ZNF41: variants seen among roughly 807,000 people sequenced by gnomAD.
ZNF41 encodes zinc finger protein 41.
Under a neutral mutation model 9.3 loss-of-function variants are expected in ZNF41, and 6 were observed. The observed-to-expected ratio is 0.65, with a 90% CI of 0.35 to 1.28. The LOEUF is 1.28. Ranked by LOEUF, ZNF41 falls within the 50% of genes most tolerant of loss-of-function variation. ZNF41 has a pLI of 0.03. For synonymous variants in ZNF41, 192 were observed against 207.1 expected (o/e 0.93, Z 0.63); for missense variants, 523 against 585.8 (o/e 0.89, Z 1.11).
chrX:47,482,208 A>G (rs1447959300), intron 1 of ZNF41, among the ~76,000 whole-genome samples: 1 of 109,335 alleles, frequency 9.1e-6, no homozygotes, highest in Admixed American at 9.8e-5. Flanking sequence ...GGTGTCCCCA[A>G]CACTCATCCC....
intron 1 of ZNF41, among the ~76,000 whole-genome samples, chrX:47,479,576 T>G (rs2057418762): frequency 9.0e-6 from 1 of 111,094 alleles, no homozygotes; most frequent in African/African-American, 3.3e-5. Context: ...TACATTCATA[T>G]GATAATTTGG....
Position 47,448,324 on chromosome X carries a change from G to A in ZNF41, c.1446C>T (p.Leu482=), listed in dbSNP as rs762030062. 4.1e-6 allele frequency: 5 copies of A among 1,209,355 alleles called. No homozygotes were observed. In the Admixed American group the frequency reaches 8.8e-5, roughly 21 times the overall value. The change falls in exon 5 of 5, where the codon CTC becomes CTT. Residue 482 remains leucine (L), a synonymous_variant. Coordinates refer to ENST00000684689, the MANE Select transcript of ZNF41 (RefSeq NM_001324144.2). ...CGKSFTKKSQ[L]HVHQRIHTGE... is the part of the protein sequence containing the mutation. ...CGGTGTGAATTCTTTGATGCACATGGAGTTGTGACTTCTTAGTGAAGGATT... is the reference window on the plus strand; with the variant it reads ...CGGTGTGAATTCTTTGATGCACATGAAGTTGTGACTTCTTAGTGAAGGATT...
chrX:47,476,128 G>A (rs923405764), intron 1 of ZNF41, among the ~76,000 whole-genome samples: 10 of 111,213 alleles, frequency 9.0e-5, no homozygotes, highest in African/African-American at 2.0e-4. Flanking sequence ...CGAGGCAGGC[G>A]GATCACTTGA....
intron 2 of ZNF41, among the ~76,000 whole-genome samples, chrX:47,459,046 T>C (rs2056679049): frequency 9.0e-6 from 1 of 110,676 alleles, no homozygotes; most frequent in African/African-American, 3.3e-5. Context: ...AAATAATCCA[T>C]TGCAACAGAA....
At chrX:47,457,861 A>G (rs1002536591) in intron 2 of ZNF41, among the ~76,000 whole-genome samples, 4 of 110,571 alleles carry the variant, frequency 3.6e-5, no homozygotes, top group African/African-American at 1.3e-4. Context: ...AAACAAACAA[A>G]AAGAAGGTGT....
chrX:47,458,112 A>C (rs2056639981), intron 2 of ZNF41, among the ~76,000 whole-genome samples: 1 of 111,352 alleles, frequency 9.0e-6, no homozygotes, highest in Non-Finnish European at 1.9e-5. Context: ...TTATAGAGGT[A>C]AGATTTGGGA....
At position 47,447,014 on chromosome X, in the gene ZNF41, T is replaced by A. The variant is rs140632042; in HGVS notation, c.*416A>T. 0.018 allele frequency: 2,301 copies of A among 131,318 alleles called. 34 individuals carry two copies. The highest frequency in any genetic ancestry group is 0.025 in the Non-Finnish European group (1,630 of 65,635). 10.8% of individuals were successfully genotyped at this position (131,318 alleles called of 1,213,427 possible). A position where few individuals can be genotyped will look rare whatever the true frequency, so the allele number is the denominator to read the frequency against. On this transcript the variant is annotated 3_prime_UTR_variant, in exon 5 of 5. Transcript: ENST00000684689. ...AGAAATTTGAAAAAGTTTTTCCCAG[T>A]AGTGAGTATTTTTATGTCCCAGGAT... is the stretch of plus-strand genomic sequence containing the variant.
intron 1 of ZNF41, among the ~76,000 whole-genome samples, chrX:47,469,440 G>C (rs1280154450): frequency 9.1e-6 from 1 of 110,027 alleles, no homozygotes. Context: ...AATGGTAAAT[G>C]GAATAGAAAC....
chrX:47,465,488 T>C (rs780327068), intron 2 of ZNF41, among the ~76,000 whole-genome samples: 1 of 112,578 alleles, frequency 8.9e-6, no homozygotes, highest in Admixed American at 9.5e-5. Context: ...ATTTAAATAT[T>C]CTACAATGTA....
At chrX:47,463,190 G>C (rs1477748699) in intron 2 of ZNF41, among the ~76,000 whole-genome samples, 1 of 110,640 alleles carries the variant, frequency 9.0e-6, no homozygotes, top group Non-Finnish European at 1.9e-5. Context: ...ACCACACTTT[G>C]AGTAGTACCT....
chrX:47,467,335 C>T, intron 2 of ZNF41, 75 bp downstream of exon 2: 1 of 1,167,589 alleles, frequency 8.6e-7, no homozygotes, highest in Non-Finnish European at 1.1e-6. Context: ...TGCTTCTGCC[C>T]TTAGGCCCTG....
At chrX:47,454,732 C>A (rs1232100035) in intron 4 of ZNF41, among the ~76,000 whole-genome samples, 1 of 109,425 alleles carries the variant, frequency 9.1e-6, no homozygotes, top group Non-Finnish European at 1.9e-5. Context: ...CAAAGCCAGA[C>A]AAACACACTA....
At chrX:47,467,786 AC>A (rs2057040837) in intron 1 of ZNF41, 26 bp from the exon 2 acceptor site, 2 of 341,230 alleles carry the variant, frequency 5.9e-6, no homozygotes, top group South Asian at 5.3e-5. Flanking sequence ...GTTCGGTAAA[AC>A]CCACACCAAG....
At chrX:47,460,787 C>G (rs907671888) in intron 2 of ZNF41, among the ~76,000 whole-genome samples, 3 of 111,783 alleles carry the variant, frequency 2.7e-5, no homozygotes, top group Non-Finnish European at 5.6e-5. Context: ...AACTCTCATA[C>G]TGCTGATGGA....
intron 1 of ZNF41, among the ~76,000 whole-genome samples, chrX:47,478,138 T>C (rs1182319915): frequency 2.7e-5 from 3 of 112,054 alleles, no homozygotes; most frequent in Non-Finnish European, 5.6e-5. Flanking sequence ...ATTTCAGGTA[T>C]ACAAGAGGGA....
At chrX:47,481,597 T>G (rs2057474289) in intron 1 of ZNF41, among the ~76,000 whole-genome samples, 1 of 112,095 alleles carries the variant, frequency 8.9e-6, no homozygotes, top group Admixed American at 9.4e-5. Flanking sequence ...CAGTGAGCCA[T>G]GATCGTGCCA....
intron 4 of ZNF41, among the ~76,000 whole-genome samples, chrX:47,453,476 C>T (rs2056438189): frequency 8.9e-6 from 1 of 111,961 alleles, no homozygotes; most frequent in African/African-American, 3.2e-5. Flanking sequence ...GGAGGACTAT[C>T]AGATATGGTC....
At position 47,449,436 on chromosome X, in the gene ZNF41, C is replaced by T; in HGVS notation, c.334G>A (p.Gly112Arg). Residue 112 changes from glycine to arginine, a missense_variant, in exon 5 of 5, where the codon GGA (glycine) becomes AGA (arginine). Transcript: ENST00000684689. ...IGKMQQQGIP[G>R]GIFFHCERFD... ...CTCTCACAGTGGAAGAAAATTCCTCCAGGAATTCCCTGTTGCTGCATTTTC... is the reference window on the plus strand; with the variant it reads ...CTCTCACAGTGGAAGAAAATTCCTCTAGGAATTCCCTGTTGCTGCATTTTC... 1 of 1,208,762 alleles carries T rather than the reference C, an allele frequency of 8.3e-7. No homozygotes were observed. The highest frequency in any genetic ancestry group is 1.1e-6 in the Non-Finnish European group (1 of 893,533).
At chrX:47,475,563 A>C (rs2057313886) in intron 1 of ZNF41, among the ~76,000 whole-genome samples, 2 of 111,677 alleles carry the variant, frequency 1.8e-5, no homozygotes, top group African/African-American at 6.5e-5. Context: ...ACTATAAGCA[A>C]ATTTTTTATA....
Sources: gnomAD v4.1 joint callset for allele counts (sites outside exome capture counted in the v4.1 genomes callset) on GRCh38, gnomAD v4.1.1 for gene constraint, MANE v1.5 for transcripts, NCBI Gene and HGNC (gene_info 2026-07-23, HGNC 2026-07-21) for gene names.